Variants in DNAI1 observed in about 807,000 individuals in gnomAD.
The protein encoded by DNAI1 is dynein axonemal intermediate chain 1.
Under a neutral mutation model 92.0 loss-of-function variants are expected in DNAI1, and 67 were observed. That is an observed-to-expected ratio of 0.73 (90% CI 0.60 to 0.89). The LOEUF (loss-of-function observed/expected upper bound fraction) is 0.89, where lower values mean the gene tolerates loss of function less well. Among genes scored for constraint, DNAI1 ranks in the 40% least tolerant of loss-of-function variants. DNAI1 has a pLI of 0.00. For synonymous variants in DNAI1, 323 were observed against 319.6 expected, an observed-to-expected ratio of 1.01 and a Z score of -0.11; for missense variants, 839 against 866.6, an observed-to-expected ratio of 0.97 and a Z score of 0.40.
chr9:34,471,764 C>T (rs1405064867), intron 1 of DNAI1, among the ~76,000 whole-genome samples: 3 of 150,152 alleles, frequency 2.0e-5, no homozygotes, highest in Admixed American at 2.0e-4. Context: ...TGTGAGACTC[C>T]ATTAAAAAAA....
At chr9:34,463,676 A>G (rs1204896119) in intron 1 of DNAI1, among the ~76,000 whole-genome samples, 4 of 152,262 alleles carry the variant, frequency 2.6e-5, no homozygotes, top group African/African-American at 9.6e-5. Context: ...GTTACCATAA[A>G]AAAAAAATCA....
At chr9:34,518,208 G>A (rs1469214533) in intron 19 of DNAI1, among the ~76,000 whole-genome samples, 5 of 152,224 alleles carry the variant, frequency 3.3e-5, no homozygotes, top group Non-Finnish European at 5.9e-5. Flanking sequence ...CCAGGTTCTG[G>A]GCCAGGATCA....
chr9:34,474,517 A>G (rs747274765), intron 1 of DNAI1, among the ~76,000 whole-genome samples: 3 of 148,370 alleles, frequency 2.0e-5, no homozygotes, highest in Non-Finnish European at 3.0e-5. Context: ...GAGTACAGGC[A>G]TGAGCCACTG....
intron 13 of DNAI1, among the ~76,000 whole-genome samples, chr9:34,509,911 A>G (rs1825031399): frequency 6.6e-6 from 1 of 151,950 alleles, no homozygotes; most frequent in Admixed American, 6.5e-5. Context: ...AAAAAAAAAA[A>G]AAAAGAAAAA....
At chr9:34,482,943 G>T (rs1159875632) in intron 1 of DNAI1, among the ~76,000 whole-genome samples, 1 of 152,224 alleles carries the variant, frequency 6.6e-6, no homozygotes, top group Non-Finnish European at 1.5e-5. Flanking sequence ...GAGAAATCGA[G>T]CGCAGTGCTG....
At chr9:34,476,604 T>C (rs994502438) in intron 1 of DNAI1, among the ~76,000 whole-genome samples, 3 of 152,140 alleles carry the variant, frequency 2.0e-5, no homozygotes, top group African/African-American at 7.2e-5. Flanking sequence ...AGGTGGCATC[T>C]TGAATGAGGT....
chr9:34,485,375 T>C (rs1824449961), intron 3 of DNAI1, 62 bp from the exon 4 acceptor site: 1 of 1,593,440 alleles, frequency 6.3e-7, no homozygotes, highest in Non-Finnish European at 8.6e-7. Flanking sequence ...GGGATCCTTC[T>C]AAGCCTCAGA....
intron 13 of DNAI1, among the ~76,000 whole-genome samples, chr9:34,508,100 C>G (rs1258971726): frequency 2.6e-5 from 4 of 152,222 alleles, no homozygotes; most frequent in Admixed American, 2.6e-4. Flanking sequence ...GAATTTCTGC[C>G]TGAAGTTGCT....
chr9:34,459,191 G>GGGAGCA, intron 1 of DNAI1, 138 bp downstream of exon 1: 1 of 820,296 alleles, frequency 1.2e-6, no homozygotes. Context: ...TCTGGTAAGT[G>GGGAGCA]CTCCCACTGA....
At chr9:34,498,351 C>T (rs1824765619) in intron 10 of DNAI1, among the ~76,000 whole-genome samples, 1 of 152,212 alleles carries the variant, frequency 6.6e-6, no homozygotes. Flanking sequence ...TGGGATGTTG[C>T]CACTTTTTCA....
At chr9:34,493,056 C>A (rs2132065097) in intron 8 of DNAI1, 138 bp from the exon 9 acceptor site, 1 of 1,136,158 alleles carries the variant, frequency 8.8e-7, no homozygotes. Context: ...TATTGAATAC[C>A]TAATTCCAAC....
intron 13 of DNAI1, among the ~76,000 whole-genome samples, chr9:34,508,718 G>T (rs1339335106): frequency 6.6e-6 from 1 of 152,128 alleles, no homozygotes; most frequent in Non-Finnish European, 1.5e-5. Context: ...GCTATGTCCT[G>T]TAAATCAAAT....
In DNAI1 at chr9:34,473,981, G is replaced by A. The variant is rs139841956; in HGVS notation, c.49-9467G>A. 1.5e-3 allele frequency among the ~76,000 whole-genome samples: 229 copies of A among 152,186 alleles called. 1 individual carries two copies. In the Middle Eastern group the frequency reaches 0.034, roughly 23 times the overall value. ...GGACTCAAGCATTCCTCCTGCCTAG[G>A]TCTCCCAAAGTACTGGGACTACAGG... On this transcript the variant is annotated intron_variant, in intron 1 of 19. Coordinates refer to ENST00000242317, the MANE Select transcript of DNAI1 (RefSeq NM_012144.4).
chr9:34,514,383 TCCCC>T lies in DNAI1; in HGVS notation c.1570-10_1570-7del. On this transcript the variant is annotated splice_polypyrimidine_tract_variant and splice_region_variant and intron_variant, in intron 16 of 19. Coordinates refer to ENST00000242317, the MANE Select transcript of DNAI1 (RefSeq NM_012144.4). ...TCTCTCACTTCTGACCCCCGTTCCC[TCCCC>T]GACCAGTGCTCTAAATCCTACTCCA... 6.2e-7 allele frequency: 1 copy of T among 1,613,428 alleles called. No individual in the cohort carries two copies. The highest frequency in any genetic ancestry group is 1.1e-5 in the South Asian group (1 of 91,082).
At chr9:34,500,896 C>T in intron 11 of DNAI1, 57 bp downstream of exon 11, 1 of 1,317,136 alleles carries the variant, frequency 7.6e-7, no homozygotes, top group Non-Finnish European at 1.1e-6. Context: ...ACATCCCAAA[C>T]CCCCAGTACC....
chr9:34,478,537 G>A (rs2132050826), intron 1 of DNAI1: 1 of 152,354 alleles, frequency 6.6e-6, no homozygotes, highest in African/African-American at 2.4e-5. Flanking sequence ...TAGCCTCTGT[G>A]CTAGTGATCC....
rs981642741 is a variant in DNAI1 at position 34,485,204 on chromosome 9, A to C, written c.144A>C (p.Thr48=). The change falls in exon 3 of 20, where the codon ACA becomes ACC. Residue 48 remains threonine, a synonymous_variant. Coordinates refer to ENST00000242317, the MANE Select transcript of DNAI1 (RefSeq NM_012144.4). ...ATGAATGGGCCCAATCCAAAGCCACAGTTAGACCCCCTGACCAGCTGGAGT... is the reference window on the plus strand; with the variant it reads ...ATGAATGGGCCCAATCCAAAGCCACCGTTAGACCCCCTGACCAGCTGGAGT... The part of the protein sequence containing the change: ...GTDEWAQSKA[T]VRPPDQLELT... The C allele has an allele frequency of 2.5e-6, 4 of 1,614,178 alleles. No individual in the cohort carries two copies. The highest frequency in any genetic ancestry group is 3.4e-6 in the Non-Finnish European group (4 of 1,180,020).
chr9:34,474,210 T>A (rs1824196877), intron 1 of DNAI1, among the ~76,000 whole-genome samples: 1 of 152,168 alleles, frequency 6.6e-6, no homozygotes, highest in Non-Finnish European at 1.5e-5. Context: ...ATATACATCT[T>A]ATTCAGGTGT....
chr9:34,480,181 C>T (rs1262584772), intron 1 of DNAI1, among the ~76,000 whole-genome samples: 2 of 152,062 alleles, frequency 1.3e-5, no homozygotes, highest in Non-Finnish European at 2.9e-5. Context: ...CCCTCCCTCA[C>T]GTCTCCAGTC....
Sources: gnomAD v4.1 joint callset for allele counts (sites outside exome capture counted in the v4.1 genomes callset) on GRCh38, gnomAD v4.1.1 for gene constraint, MANE v1.5 for transcripts, NCBI Gene and HGNC (gene_info 2026-07-23, HGNC 2026-07-21) for gene names.